Variants in DPP10 observed in about 807,000 individuals in gnomAD.
DPP10 encodes the protein dipeptidyl peptidase like 10, also known as inactive dipeptidyl peptidase 10.
In DPP10, 33 loss-of-function variants were observed where a neutral mutation model predicts 120.9. That is an observed-to-expected ratio of 0.27 (90% CI 0.21 to 0.37). The LOEUF is 0.37. DPP10 is among the 10% of genes least tolerant of loss of function. The pLI is 1.00. For missense variants in DPP10, 816 were observed against 942.8 expected (o/e 0.87, Z 1.76); for synonymous variants, 337 against 326.1 (o/e 1.03, Z -0.36).
intron 7 of DPP10, among the ~76,000 whole-genome samples, chr2:115,716,775 T>C (rs911591065): frequency 1.3e-5 from 2 of 152,088 alleles, no homozygotes; most frequent in Non-Finnish European, 2.9e-5. Flanking sequence ...TGAAATTTTA[T>C]GAAGTAGTAT....
At chr2:115,347,703 A>G (rs1178936736) in intron 3 of DPP10, among the ~76,000 whole-genome samples, 2 of 151,334 alleles carry the variant, frequency 1.3e-5, no homozygotes, top group Non-Finnish European at 2.9e-5. Flanking sequence ...TCATTGTGCA[A>G]CTCCCACTTA....
chr2:115,378,614 C>A, intron 3 of DPP10, among the ~76,000 whole-genome samples: 1 of 150,110 alleles, frequency 6.7e-6, no homozygotes. Context: ...TGAGAGAGGA[C>A]ATCCCTGTCT....
intron 19 of DPP10, among the ~76,000 whole-genome samples, chr2:115,801,776 A>T (rs1360423886): frequency 1.3e-5 from 2 of 152,170 alleles, no homozygotes; most frequent in Non-Finnish European, 2.9e-5. Flanking sequence ...CATCCCAGGG[A>T]TGAAGCCCAC....
chr2:114,925,769 A>G (rs1192491746), intron 1 of DPP10, among the ~76,000 whole-genome samples: 1 of 152,082 alleles, frequency 6.6e-6, no homozygotes, highest in Non-Finnish European at 1.5e-5. Flanking sequence ...TGGACTGTAG[A>G]CCCTGTTACA....
chr2:115,818,184 T>A (rs1687458119), intron 21 of DPP10, among the ~76,000 whole-genome samples: 1 of 152,166 alleles, frequency 6.6e-6, no homozygotes, highest in South Asian at 2.1e-4. Context: ...TTATTAGGGT[T>A]CTTGGAATTT....
Position 114,763,924 on chromosome 2 carries a change from C to A in DPP10, c.60+321086C>A, listed in dbSNP as rs140794815. Among the ~76,000 whole-genome samples the A allele has an allele frequency of 5.4e-4, 82 of 152,304 alleles. 3 individuals carry two copies. The East Asian group carries it at 0.015, about 28-fold the overall frequency. ...TCAGCCTCTCTGATAAGATCCTAGA[C>A]CCTGGCTGCAGTTTGACTCCAGAGT... is the stretch of plus-strand genomic sequence containing the variant. On this transcript the variant is annotated intron_variant, in intron 1 of 25. Transcript: ENST00000410059.
At chr2:114,878,547 C>T (rs939982175) in intron 1 of DPP10, among the ~76,000 whole-genome samples, 9 of 152,062 alleles carry the variant, frequency 5.9e-5, no homozygotes, top group East Asian at 1.9e-4. Flanking sequence ...AACAGTTGCA[C>T]GTTTATGCCT....
chr2:114,777,998 G>T (rs13431143), intron 1 of DPP10, among the ~76,000 whole-genome samples: 5,296 of 152,140 alleles, frequency 0.035, 321 homozygotes, highest in African/African-American at 0.12. Flanking sequence ...TCTTTCATTA[G>T]TTAGCTGACA....
At chr2:115,734,337 T>C (rs956479601) in intron 8 of DPP10, among the ~76,000 whole-genome samples, 1 of 152,098 alleles carries the variant, frequency 6.6e-6, no homozygotes, top group Admixed American at 6.6e-5. Flanking sequence ...GGGGTATCTT[T>C]GTATCTTCAA....
chr2:115,104,664 T>A (rs2048860589), intron 1 of DPP10, among the ~76,000 whole-genome samples: 1 of 152,144 alleles, frequency 6.6e-6, no homozygotes, highest in Admixed American at 6.6e-5. Context: ...AAGTACCTGA[T>A]CAACTAAGTC....
chr2:114,742,001 A>G (rs1305148545), intron 1 of DPP10, among the ~76,000 whole-genome samples: 1 of 152,210 alleles, frequency 6.6e-6, no homozygotes, highest in Non-Finnish European at 1.5e-5. Flanking sequence ...GGAGTCAACA[A>G]ACCAGTTGCC....
chr2:115,823,076 T>C (rs1687967670), intron 21 of DPP10, among the ~76,000 whole-genome samples: 1 of 152,082 alleles, frequency 6.6e-6, no homozygotes, highest in Non-Finnish European at 1.5e-5. Flanking sequence ...ATATCTTTTA[T>C]TTTTGAGTAT....
At chr2:115,601,777 G>A (rs1575302021) in intron 5 of DPP10, among the ~76,000 whole-genome samples, 1 of 151,734 alleles carries the variant, frequency 6.6e-6, no homozygotes, top group South Asian at 2.1e-4. Context: ...GGGTTCAAGC[G>A]ATTCCCCTGC....
At chr2:115,658,693 C>T (rs1038876970) in intron 5 of DPP10, among the ~76,000 whole-genome samples, 5 of 152,064 alleles carry the variant, frequency 3.3e-5, no homozygotes, top group Non-Finnish European at 5.9e-5. Flanking sequence ...AGGCAGCTTT[C>T]TATTGACTTA....
intron 19 of DPP10, among the ~76,000 whole-genome samples, chr2:115,792,165 A>C (rs539258526): frequency 6.6e-6 from 1 of 152,068 alleles, no homozygotes; most frequent in Non-Finnish European, 1.5e-5. Context: ...TAGTTTTGCT[A>C]TTTATTAGCT....
chr2:114,944,736 A>C (rs576355072), intron 1 of DPP10, among the ~76,000 whole-genome samples: 2 of 152,320 alleles, frequency 1.3e-5, no homozygotes, highest in South Asian at 4.1e-4. Context: ...TAAGTCCTCA[A>C]AACAGCACTA....
intron 1 of DPP10, among the ~76,000 whole-genome samples, chr2:115,259,104 C>T (rs1181255676): frequency 6.6e-6 from 1 of 152,136 alleles, no homozygotes; most frequent in Admixed American, 6.5e-5. Flanking sequence ...GTCTTCCAAC[C>T]TGAGGATCAT....
chr2:115,675,160 A>G (rs2090161359), intron 5 of DPP10, among the ~76,000 whole-genome samples: 1 of 152,196 alleles, frequency 6.6e-6, no homozygotes, highest in Non-Finnish European at 1.5e-5. Context: ...AACTGAGGCA[A>G]ACAAAGTTAA....
intron 7 of DPP10, among the ~76,000 whole-genome samples, chr2:115,716,102 G>T (rs2092484571): frequency 6.6e-6 from 1 of 152,166 alleles, no homozygotes; most frequent in South Asian, 2.1e-4. Context: ...GAAGAATTTG[G>T]TTTTTCTTCT....
Sources: gnomAD v4.1 joint callset for allele counts (sites outside exome capture counted in the v4.1 genomes callset) on GRCh38, gnomAD v4.1.1 for gene constraint, MANE v1.5 for transcripts, NCBI Gene and HGNC (gene_info 2026-07-23, HGNC 2026-07-21) for gene names.